LAMA4: variants seen among roughly 807,000 people sequenced by gnomAD.
LAMA4 encodes the protein laminin subunit alpha-4.
LAMA4 carries 127 observed loss-of-function variants against 207.1 expected under a neutral mutation model. The ratio of observed to expected loss-of-function variants is 0.61; its 90% CI spans 0.53 to 0.71. The LOEUF is 0.71. LAMA4 is among the 30% of genes least tolerant of loss of function. The pLI is 0.00. For synonymous variants in LAMA4, 761 were observed against 816.0 expected (o/e 0.93, Z 1.15); for missense variants, 2,093 against 2,246.5 (o/e 0.93, Z 1.38).
chr6:112,221,186 G>A (rs551990161), intron 2 of LAMA4, among the ~76,000 whole-genome samples: 6 of 152,250 alleles, frequency 3.9e-5, no homozygotes, highest in Non-Finnish European at 7.4e-5. Flanking sequence ...AAGAGGATCA[G>A]ACCCAAGTCT....
In LAMA4 at chr6:112,144,824, G is replaced by A; in HGVS notation, c.2463C>T (p.Leu821=). ...TGGCAACACTTCTGGTCTGAGCAAT[G>A]AGCTCTCGGATCCTCTGGATGCTGG... is the stretch of plus-strand genomic sequence containing the variant. The part of the protein sequence containing the change: ...VSASIQRIRE[L]IAQTRSVASK... Residue 821 remains leucine, a synonymous_variant, in exon 19 of 39, where the codon CTC becomes CTT. Transcript: ENST00000230538. The A allele has an allele frequency of 6.2e-7, 1 of 1,613,802 alleles. No homozygotes were observed. The highest frequency in any genetic ancestry group is 8.5e-7 in the Non-Finnish European group (1 of 1,180,018).
chr6:112,154,655 C>T lies in LAMA4; in HGVS notation c.2056+196G>A, dbSNP rs34807218. 0.26 allele frequency: 158,159 copies of T among 599,988 alleles called. 21,448 individuals carry two copies. Among genetic ancestry groups the T allele is most frequent in the East Asian group, 0.33 (11,759 of 35,196 alleles). 37.2% of individuals were successfully genotyped at this position (599,988 alleles called of 1,614,324 possible). A position where few individuals can be genotyped will look rare whatever the true frequency, so the allele number is the denominator to read the frequency against. On this transcript the variant is annotated intron_variant, in intron 16 of 38. Transcript: ENST00000230538. ...TGTTTCCATGTAGTTTACTACATAG[C>T]ATTTTTTTTTTCAATCACAATTTAA...
chr6:112,190,328 T>C (rs906271378), intron 6 of LAMA4, among the ~76,000 whole-genome samples: 1 of 152,276 alleles, frequency 6.6e-6, no homozygotes, highest in Admixed American at 6.5e-5. Context: ...GCTGTCATTC[T>C]CAGTGTTATG....
intron 16 of LAMA4, among the ~76,000 whole-genome samples, chr6:112,152,634 A>T (rs1313026288): frequency 6.6e-6 from 1 of 152,066 alleles, no homozygotes; most frequent in Non-Finnish European, 1.5e-5. Flanking sequence ...TGGGATTGTA[A>T]ATATACACTC....
At chr6:112,119,029 C>A in intron 34 of LAMA4, 127 bp downstream of exon 34, 1 of 934,876 alleles carries the variant, frequency 1.1e-6, no homozygotes, top group Non-Finnish European at 1.7e-6. Context: ...TTTGATATCC[C>A]ATTTCCAGAA....
chr6:112,236,047 C>G (rs2114308259), intron 2 of LAMA4: 1 of 152,354 alleles, frequency 6.6e-6, no homozygotes, highest in Admixed American at 6.5e-5. Context: ...ATCCAGCTCA[C>G]TTAATGTCTC....
At chr6:112,251,184 G>A (rs2114465178) in intron 2 of LAMA4, 1 of 152,322 alleles carries the variant, frequency 6.6e-6, no homozygotes, top group East Asian at 1.9e-4. Flanking sequence ...CATCTGGGGG[G>A]AAGCTTTGGC....
intron 38 of LAMA4, among the ~76,000 whole-genome samples, chr6:112,110,342 G>C (rs1777625786): frequency 6.6e-6 from 1 of 152,164 alleles, no homozygotes; most frequent in African/African-American, 2.4e-5. Context: ...TTTAGCCAAA[G>C]CTTATTATTA....
In LAMA4 at chr6:112,198,102, G is replaced by A. The variant is rs116270468; in HGVS notation, c.503+3506C>T. ...GTGGTATTGAAGGTCAAGGTAGAGC[G>A]GTAGTTCACAAAGCAGTGAGAGTCC... On this transcript the variant is annotated intron_variant, in intron 5 of 38. Coordinates refer to ENST00000230538, the MANE Select transcript of LAMA4 (RefSeq NM_001105206.3). Among the ~76,000 whole-genome samples, 350 of 152,268 alleles carry A rather than the reference G, an allele frequency of 2.3e-3. 4 individuals are homozygous for A. Among genetic ancestry groups the A allele is most frequent in the African/African-American group, 7.3e-3 (304 of 41,562 alleles).
intron 17 of LAMA4, among the ~76,000 whole-genome samples, chr6:112,149,100 T>A (rs948824315): frequency 4.1e-5 from 6 of 145,634 alleles, no homozygotes; most frequent in Non-Finnish European, 9.0e-5. Context: ...CCTAAGTGAA[T>A]TATAATTATT....
chr6:112,233,958 T>C (rs1785720833), intron 2 of LAMA4, among the ~76,000 whole-genome samples: 1 of 152,132 alleles, frequency 6.6e-6, no homozygotes, highest in African/African-American at 2.4e-5. Flanking sequence ...TCTCCACACA[T>C]TGTAGATAAT....
chr6:112,133,575 GTCATTTGTAATGGCTTTATAA>G, intron 26 of LAMA4, 88 bp from the exon 27 acceptor site: 1 of 1,463,984 alleles, frequency 6.8e-7, no homozygotes, highest in Non-Finnish European at 9.5e-7. Context: ...TTTATTTATA[GTCATTTGTAATGGCTTTATAA>G]TCATTCATAT....
chr6:112,251,069 C>CTT (rs1787414379), intron 2 of LAMA4, among the ~76,000 whole-genome samples: 1 of 152,180 alleles, frequency 6.6e-6, no homozygotes, highest in African/African-American at 2.4e-5. Context: ...ATAAACTCAG[C>CTT]AATAAAGGAC....
rs573070025 is a variant in LAMA4, at chr6:112,135,700, G to A, written c.3414+423C>T. 21 of 166,958 alleles carry A rather than the reference G, an allele frequency of 1.3e-4. No homozygotes were observed. In the South Asian group the frequency reaches 3.3e-3, roughly 27 times the overall value. The allele number at this position is 166,958 out of a possible 1,614,324, so 10.3% of individuals were successfully genotyped here. A position where few individuals can be genotyped will look rare whatever the true frequency, so the allele number is the denominator to read the frequency against. Reference sequence around the variant, plus strand: ...AGTATTTTCTAAATTCTGGATAAGTGGTTTAAAAGGAAATTCTGTATTTAC... The same window carrying A: ...AGTATTTTCTAAATTCTGGATAAGTAGTTTAAAAGGAAATTCTGTATTTAC... On this transcript the variant is annotated intron_variant, in intron 25 of 38. Transcript: ENST00000230538.
chr6:112,232,704 G>A (rs1184502375), intron 2 of LAMA4, among the ~76,000 whole-genome samples: 2 of 152,108 alleles, frequency 1.3e-5, no homozygotes, highest in African/African-American at 4.8e-5. Context: ...ACAAACTAAA[G>A]TGAAAAGAAA....
rs370350568 is a variant in LAMA4, at chr6:112,243,247, C to A, written c.195+10709G>T. ...AACCTGTGCTGCAGATCAGCCCCAG[C>A]CCCACATCTGGAGTTGTTAGGAACC... On this transcript the variant is annotated intron_variant, in intron 2 of 38. Transcript: ENST00000230538. 1.5e-3 allele frequency among the ~76,000 whole-genome samples: 227 copies of A among 152,132 alleles called. 1 individual carries two copies. In the Middle Eastern group the frequency reaches 0.027, roughly 18 times the overall value.
intron 18 of LAMA4, among the ~76,000 whole-genome samples, chr6:112,145,450 T>C (rs1249921775): frequency 2.0e-5 from 3 of 152,172 alleles, no homozygotes; most frequent in Admixed American, 2.0e-4. Flanking sequence ...AGGAACTGGC[T>C]TGTACCTGGA....
Position 112,140,005 on chromosome 6 carries a change from T to C in LAMA4, c.2977-120A>G. The C allele has an allele frequency of 5.1e-6, 5 of 976,432 alleles. No homozygotes were observed. In the South Asian group the frequency reaches 6.8e-5, roughly 13 times the overall value. The allele number at this position is 976,432 out of a possible 1,614,324, so 60.5% of individuals were successfully genotyped here. A position where few individuals can be genotyped will look rare whatever the true frequency, so the allele number is the denominator to read the frequency against. ...ACCTACCCCTTTGTGGAAATATCTT[T>C]CTAGACCCGAGTGTGTTTATGCCAA... On this transcript the variant is annotated intron_variant, in intron 22 of 38. Coordinates refer to ENST00000230538, the MANE Select transcript of LAMA4 (RefSeq NM_001105206.3).
At chr6:112,190,947 C>CCTTCCTTTCTTTCTTTCTTT (rs1783059483) in intron 6 of LAMA4, among the ~76,000 whole-genome samples, 1 of 40,472 alleles carries the variant, frequency 2.5e-5, no homozygotes, top group Non-Finnish European at 4.7e-5. Flanking sequence ...TTCTTTCTTT[C>CCTTCCTTTCTTTCTTTCTTT]CTTTCTTTCT....
Sources: gnomAD v4.1 joint callset for allele counts (sites outside exome capture counted in the v4.1 genomes callset) on GRCh38, gnomAD v4.1.1 for gene constraint, MANE v1.5 for transcripts, NCBI Gene and HGNC (gene_info 2026-07-23, HGNC 2026-07-21) for gene names.